ASAP1: variants seen among roughly 807,000 people sequenced by gnomAD.
ASAP1 encodes arf-GAP with SH3 domain, ANK repeat and PH domain-containing protein 1.
Under a neutral mutation model 145.2 loss-of-function variants are expected in ASAP1, and 43 were observed. That is an observed-to-expected ratio of 0.30 (90% confidence interval 0.23 to 0.38). The LOEUF is 0.38. Among genes scored for constraint, ASAP1 ranks in the 10% least tolerant of loss-of-function variants. The pLI, the probability that ASAP1 is intolerant of heterozygous loss-of-function variation, is 1.00. For missense variants in ASAP1, 1,018 were observed against 1,355.3 expected, an observed-to-expected ratio of 0.75 and a Z score of 3.91; for synonymous variants, 546 against 515.5, an observed-to-expected ratio of 1.06 and a Z score of -0.80.
chr8:130,221,303 TAAAGG>T (rs1296348539), intron 4 of ASAP1, among the ~76,000 whole-genome samples: 1 of 151,760 alleles, frequency 6.6e-6, no homozygotes, highest in Non-Finnish European at 1.5e-5. Flanking sequence ...AGGATGGAAG[TAAAGG>T]AAAGGAAGAA....
chr8:130,095,684 T>A (rs1219460544), intron 24 of ASAP1, among the ~76,000 whole-genome samples: 3 of 150,902 alleles, frequency 2.0e-5, no homozygotes, highest in Non-Finnish European at 4.4e-5. Flanking sequence ...AGTGGTGTAA[T>A]CTCGGCTCAC....
At chr8:130,190,679 G>A (rs867446170) in intron 5 of ASAP1, among the ~76,000 whole-genome samples, 76 of 152,102 alleles carry the variant, frequency 5.0e-4, no homozygotes, top group African/African-American at 1.7e-3. Flanking sequence ...CACTACGTCC[G>A]GCCAATTCTT....
chr8:130,124,533 A>G (rs1286645658), intron 17 of ASAP1, among the ~76,000 whole-genome samples: 1 of 152,226 alleles, frequency 6.6e-6, no homozygotes, highest in Non-Finnish European at 1.5e-5. Context: ...TCCTTTTTAT[A>G]TTGAACAAAT....
chr8:130,369,104 C>T (rs1449705110), intron 2 of ASAP1, among the ~76,000 whole-genome samples: 1 of 152,164 alleles, frequency 6.6e-6, no homozygotes, highest in African/African-American at 2.4e-5. Flanking sequence ...AGATAATACA[C>T]ATAACAGAAT....
chr8:130,141,864 T>C (rs945600378), intron 13 of ASAP1, among the ~76,000 whole-genome samples: 1 of 152,108 alleles, frequency 6.6e-6, no homozygotes, highest in Non-Finnish European at 1.5e-5. Context: ...ACTACAGGCA[T>C]GCCTCACCAT....
At chr8:130,117,669 C>T (rs969696114) in intron 20 of ASAP1, among the ~76,000 whole-genome samples, 5 of 152,160 alleles carry the variant, frequency 3.3e-5, no homozygotes, top group Non-Finnish European at 5.9e-5. Context: ...GCTATTGATC[C>T]AGCCACACAC....
chr8:130,271,375 T>A (rs752512629), intron 3 of ASAP1, among the ~76,000 whole-genome samples: 2 of 152,226 alleles, frequency 1.3e-5, no homozygotes, highest in African/African-American at 4.8e-5. Flanking sequence ...GCACTGCTTG[T>A]AGGCCACACA....
intron 25 of ASAP1, among the ~76,000 whole-genome samples, 183 bp downstream of exon 25, chr8:130,091,790 T>G (rs1363879566): frequency 1.2e-4 from 19 of 152,232 alleles, no homozygotes; most frequent in Admixed American, 1.2e-3. Flanking sequence ...GGCCTAAATA[T>G]TTTTCAAAAT....
intron 9 of ASAP1, among the ~76,000 whole-genome samples, chr8:130,172,682 G>A (rs1267587312): frequency 6.6e-6 from 1 of 152,140 alleles, no homozygotes; most frequent in African/African-American, 2.4e-5. Context: ...TTCCACCATA[G>A]CAGAAAGTTC....
chr8:130,242,919 T>G (rs1818627786), intron 3 of ASAP1, among the ~76,000 whole-genome samples: 1 of 152,162 alleles, frequency 6.6e-6, no homozygotes, highest in Non-Finnish European at 1.5e-5. Flanking sequence ...GGGACTTGCA[T>G]GTGCATAGAT....
intron 1 of ASAP1, among the ~76,000 whole-genome samples, chr8:130,407,981 C>T (rs1829107933): frequency 6.6e-6 from 1 of 152,190 alleles, no homozygotes; most frequent in Non-Finnish European, 1.5e-5. Flanking sequence ...GGAAGCTGTA[C>T]TTAGAAAATC....
chr8:130,255,500 T>C lies in ASAP1; in HGVS notation c.187-18506A>G, dbSNP rs560462671. Among the ~76,000 whole-genome samples, 4 of 152,340 alleles carry C rather than the reference T, an allele frequency of 2.6e-5. No individual in the cohort carries two copies. In the South Asian group the frequency reaches 8.3e-4, roughly 32 times the overall value. On this transcript the variant is annotated intron_variant, in intron 3 of 29. Transcript: ENST00000518721. ...GTGCATGGCTACTTCAGCAGTTGCA[T>C]AGCATTGTATCACTCTGATAGATCA...
chr8:130,183,893 G>A (rs1041504733), intron 7 of ASAP1, among the ~76,000 whole-genome samples: 1 of 152,158 alleles, frequency 6.6e-6, no homozygotes, highest in Non-Finnish European at 1.5e-5. Context: ...CAGCTGTACT[G>A]CTGATCTAAA....
chr8:130,303,637 C>T (rs935437563), intron 3 of ASAP1, among the ~76,000 whole-genome samples: 8 of 152,012 alleles, frequency 5.3e-5, no homozygotes, highest in Non-Finnish European at 8.8e-5. Context: ...ACCTTAAATG[C>T]GTACTGCTAA....
Position 130,058,092 on chromosome 8 carries a change from T to G in ASAP1, c.3193-16A>C. The G allele has an allele frequency of 6.2e-7, 1 of 1,610,886 alleles. No individual in the cohort carries two copies. Among genetic ancestry groups the G allele is most frequent in the Non-Finnish European group, 8.5e-7 (1 of 1,177,228 alleles). On this transcript the variant is annotated splice_polypyrimidine_tract_variant and intron_variant, in intron 28 of 29. Transcript: ENST00000518721. ...TATTTTTCCCCTTAAAGAAAGAAAC[T>G]GGGTTTTAATTGAAAGAATGGACTG...
chr8:130,320,941 C>A (rs1021924510), intron 3 of ASAP1, among the ~76,000 whole-genome samples: 1 of 152,168 alleles, frequency 6.6e-6, no homozygotes, highest in African/African-American at 2.4e-5. Context: ...AAACAACTAA[C>A]GGGCTAGCCA....
chr8:130,315,782 A>G (rs893403857), intron 3 of ASAP1, among the ~76,000 whole-genome samples: 3 of 152,236 alleles, frequency 2.0e-5, no homozygotes, highest in Non-Finnish European at 2.9e-5. Context: ...AAAGAAAAAA[A>G]GCAACACTGA....
At chr8:130,225,901 C>G (rs929009803) in intron 4 of ASAP1, among the ~76,000 whole-genome samples, 1 of 152,122 alleles carries the variant, frequency 6.6e-6, no homozygotes, top group African/African-American at 2.4e-5. Context: ...TGTTTTGAGA[C>G]AGGGTCTTGC....
At chr8:130,179,516 C>G (rs933020865) in intron 8 of ASAP1, among the ~76,000 whole-genome samples, 167 bp from the exon 9 acceptor site, 1 of 152,128 alleles carries the variant, frequency 6.6e-6, no homozygotes, top group Non-Finnish European at 1.5e-5. Context: ...GTGTTCAAAA[C>G]AAATTGACTA....
Sources: allele counts gnomAD v4.1 joint callset (sites outside exome capture counted in the v4.1 genomes callset), GRCh38; gene constraint gnomAD v4.1.1; transcripts MANE v1.5; gene names NCBI Gene and HGNC (gene_info 2026-07-23, HGNC 2026-07-21).